CNNM1: variants seen among roughly 807,000 people sequenced by gnomAD.
CNNM1 encodes the protein cyclin and CBS domain divalent metal cation transport mediator 1, also known as metal transporter CNNM1.
A neutral mutation model predicts 78.8 loss-of-function variants in CNNM1; 44 were observed. The observed-to-expected ratio is 0.56, with a 90% CI of 0.44 to 0.72. The LOEUF is 0.72. CNNM1 is among the 30% of genes least tolerant of loss of function. The pLI is 0.00. For synonymous variants in CNNM1, 584 were observed against 581.5 expected, an observed-to-expected ratio of 1.00 and a Z score of -0.06; for missense variants, 1,101 against 1,292.2, an observed-to-expected ratio of 0.85 and a Z score of 2.27.
intron 1 of CNNM1, among the ~76,000 whole-genome samples, chr10:99,347,401 A>C (rs539817093): frequency 6.6e-6 from 1 of 152,082 alleles, no homozygotes; most frequent in East Asian, 1.9e-4. Flanking sequence ...GGCACCTGTA[A>C]TCTTAGCTAC....
intron 6 of CNNM1, among the ~76,000 whole-genome samples, chr10:99,370,315 A>G (rs1415671878): frequency 1.3e-5 from 2 of 152,130 alleles, no homozygotes; most frequent in African/African-American, 4.8e-5. Flanking sequence ...CCTACCCATA[A>G]AGAGGTAAGC....
chr10:99,330,582 G>C lies in CNNM1; in HGVS notation c.1195G>C (p.Glu399Gln). 6.2e-7 allele frequency: 1 copy of C among 1,611,204 alleles called. No individual in the cohort carries two copies. Among genetic ancestry groups the C allele is most frequent in the Non-Finnish European group, 8.5e-7 (1 of 1,178,764 alleles). Residue 399 changes from glutamate (E) to glutamine (Q), a missense_variant, in exon 1 of 11, where the codon GAG becomes CAG. This residue lies in a region of CNNM1 where 277 missense variants were observed against 423.2 expected (regional missense o/e 0.65). Transcript: ENST00000356713. ...CTTCTACACGCGGGAGAAGTTGCTGGAGACGTTGCGGGCCGCAGACCCCTA... is the reference window on the plus strand; with the variant it reads ...CTTCTACACGCGGGAGAAGTTGCTGCAGACGTTGCGGGCCGCAGACCCCTA... ...STFYTREKLL[E>Q]TLRAADPYSD...
chr10:99,366,274 G>A (rs748554285), intron 6 of CNNM1, among the ~76,000 whole-genome samples: 11 of 152,164 alleles, frequency 7.2e-5, no homozygotes, highest in East Asian at 1.9e-4. Flanking sequence ...GGTGAGGGAC[G>A]GGCTACAGGA....
At chr10:99,349,753 C>A (rs1436967825) in intron 1 of CNNM1, among the ~76,000 whole-genome samples, 1 of 152,200 alleles carries the variant, frequency 6.6e-6, no homozygotes, top group Admixed American at 6.5e-5. Context: ...GTAATCCCAG[C>A]ACTTTGGGAG....
At chr10:99,388,093 C>A (rs543297895) in intron 8 of CNNM1, 59 bp from the exon 9 acceptor site, 1 of 1,603,440 alleles carries the variant, frequency 6.2e-7, no homozygotes, top group East Asian at 2.2e-5. Flanking sequence ...GGGCTCACAC[C>A]ACCTGAGCCC....
chr10:99,365,651 A>T (rs918641651), intron 6 of CNNM1, among the ~76,000 whole-genome samples: 9 of 152,184 alleles, frequency 5.9e-5, no homozygotes, highest in Non-Finnish European at 1.3e-4. Flanking sequence ...CTTAAAGGGC[A>T]TGGCATTTTT....
chr10:99,379,651 T>C (rs898565414), intron 7 of CNNM1, among the ~76,000 whole-genome samples: 2 of 151,174 alleles, frequency 1.3e-5, no homozygotes, highest in African/African-American at 4.9e-5. Flanking sequence ...TTTTTTTTTT[T>C]TTTTTTTGTA....
chr10:99,360,826 A>T lies in CNNM1; in HGVS notation c.1718-9A>T. ...AGATAGCTGTAATCTGTCCTCTGTG[A>T]CCCCACAGCTGACAATCGGAAAAAG... On this transcript the variant is annotated splice_polypyrimidine_tract_variant and intron_variant, in intron 2 of 10. Coordinates refer to ENST00000356713, the MANE Select transcript of CNNM1 (RefSeq NM_020348.3). The T allele has an allele frequency of 6.3e-7, 1 of 1,593,632 alleles. No homozygotes were observed. Among genetic ancestry groups the T allele is most frequent in the Non-Finnish European group, 8.6e-7 (1 of 1,166,332 alleles).
Position 99,330,386 on chromosome 10 carries a change from C to G in CNNM1, c.999C>G (p.Gly333=). ...FPWLPALVCT[G]AVFLGAEICP... ...GGCTGCCGGCGCTCGTGTGCACCGG[C>G]GCGGTATTCCTGGGCGCCGAAATCT... The change falls in exon 1 of 11, where the codon GGC becomes GGG. Residue 333 remains glycine, a synonymous_variant. Transcript: ENST00000356713. The G allele has an allele frequency of 6.3e-7, 1 of 1,595,242 alleles. No homozygotes were observed. The highest frequency in any genetic ancestry group is 8.5e-7 in the Non-Finnish European group (1 of 1,172,038).
intron 9 of CNNM1, among the ~76,000 whole-genome samples, chr10:99,389,456 C>G (rs1220403395): frequency 1.4e-5 from 2 of 148,012 alleles, no homozygotes; most frequent in African/African-American, 5.0e-5. Flanking sequence ...GTCAACAAGA[C>G]AATATGTTTG....
intron 1 of CNNM1, among the ~76,000 whole-genome samples, chr10:99,332,171 A>G (rs1035629102): frequency 1.3e-5 from 2 of 152,200 alleles, no homozygotes; most frequent in African/African-American, 4.8e-5. Context: ...CATTCAAAAG[A>G]CTATCTCACA....
intron 1 of CNNM1, among the ~76,000 whole-genome samples, chr10:99,332,571 G>A (rs924750972): frequency 2.6e-5 from 4 of 151,830 alleles, no homozygotes; most frequent in African/African-American, 7.3e-5. Context: ...GGAGGGAAGG[G>A]AAAATTCAAT....
chr10:99,367,100 G>T (rs572885860), intron 6 of CNNM1, among the ~76,000 whole-genome samples: 1 of 152,222 alleles, frequency 6.6e-6, no homozygotes, highest in South Asian at 2.1e-4. Flanking sequence ...AACTGCAAAG[G>T]CCAGCCATAC....
At chr10:99,334,324 A>G (rs2030064655) in intron 1 of CNNM1, among the ~76,000 whole-genome samples, 1 of 152,228 alleles carries the variant, frequency 6.6e-6, no homozygotes, top group African/African-American at 2.4e-5. Flanking sequence ...TTAGGAGGTG[A>G]AAGCTGGGTT....
chr10:99,377,353 G>A, intron 7 of CNNM1, 135 bp downstream of exon 7: 1 of 818,614 alleles, frequency 1.2e-6, no homozygotes, highest in Non-Finnish European at 1.9e-6. Context: ...GTGCTGGGTG[G>A]TAACTGCTAC....
At position 99,368,636 on chromosome 10, in the gene CNNM1, G is replaced by A. The variant is rs1035031346; in HGVS notation, c.2176+3634G>A. 1.6e-5 allele frequency: 21 copies of A among 1,289,376 alleles called. No individual in the cohort carries two copies. In the Admixed American group the frequency reaches 2.5e-4, roughly 16 times the overall value. The allele number at this position is 1,289,376 out of a possible 1,614,324, so 79.9% of individuals were successfully genotyped here. A position where few individuals can be genotyped will look rare whatever the true frequency, so the allele number is the denominator to read the frequency against. ...TCTTTAGTGCCTGTCTCTGTGTCTC[G>A]TACCTTCGCTGTCAGCAGAGGGGAC... On this transcript the variant is annotated intron_variant, in intron 6 of 10. Transcript: ENST00000356713.
chr10:99,373,733 C>G (rs944049548), intron 6 of CNNM1, among the ~76,000 whole-genome samples: 5 of 115,252 alleles, frequency 4.3e-5, no homozygotes, highest in Admixed American at 4.3e-4. Context: ...TCTGGGTCTT[C>G]AATGTGTATT....
chr10:99,367,947 GAGA>G (rs1306834823), intron 6 of CNNM1, among the ~76,000 whole-genome samples: 2 of 152,196 alleles, frequency 1.3e-5, no homozygotes, highest in Non-Finnish European at 2.9e-5. Flanking sequence ...TGTGGGGAAA[GAGA>G]AGGACAATGG....
intron 2 of CNNM1, among the ~76,000 whole-genome samples, chr10:99,358,585 A>G (rs1229815138): frequency 1.3e-5 from 2 of 152,186 alleles, no homozygotes; most frequent in Non-Finnish European, 2.9e-5. Context: ...GTGCAGAAAG[A>G]GTGCCTTCCT....
Sources: allele counts gnomAD v4.1 joint callset (sites outside exome capture counted in the v4.1 genomes callset), GRCh38; gene constraint gnomAD v4.1.1; regional missense constraint gnomAD v4.1.1; transcripts MANE v1.5; gene names NCBI Gene and HGNC (gene_info 2026-07-23, HGNC 2026-07-21).